Variants in UPP2 observed in about 807,000 individuals in gnomAD.
The protein encoded by UPP2 is UPase 2.
UPP2 carries 23 observed loss-of-function variants against 26.7 expected under a neutral mutation model. That is an observed-to-expected ratio of 0.86 (90% CI 0.62 to 1.22). UPP2 has a LOEUF of 1.22. Ranked by LOEUF, UPP2 falls within the 50% of genes most tolerant of loss-of-function variation. UPP2 has a pLI of 0.00. For synonymous variants in UPP2, 127 were observed against 141.3 expected (o/e 0.90, Z 0.72); for missense variants, 387 against 396.7 (o/e 0.98, Z 0.21).
intron 1 of UPP2, among the ~76,000 whole-genome samples, chr2:158,103,725 T>A (rs1489425669): frequency 6.6e-6 from 1 of 152,230 alleles, no homozygotes; most frequent in Non-Finnish European, 1.5e-5. Context: ...ACAGAGTTTG[T>A]TAAAATGCAG....
chr2:158,011,499 T>C (rs1466903020), intron 2 of UPP2, among the ~76,000 whole-genome samples: 1 of 152,066 alleles, frequency 6.6e-6, no homozygotes, highest in African/African-American at 2.4e-5. Context: ...AGGGAAGAAG[T>C]CTGATTGGCT....
At chr2:158,067,644 T>C (rs953120083) in intron 3 of UPP2, among the ~76,000 whole-genome samples, 1 of 80,514 alleles carries the variant, frequency 1.2e-5, no homozygotes, top group African/African-American at 7.9e-5. Context: ...GATTCCAAGT[T>C]TTTACCATGC....
At chr2:158,115,453 G>A (rs1574301655) in intron 3 of UPP2, among the ~76,000 whole-genome samples, 194 bp downstream of exon 3, 2 of 152,178 alleles carry the variant, frequency 1.3e-5, no homozygotes, top group East Asian at 3.9e-4. Flanking sequence ...TTGTTTATTA[G>A]TTACCACTTA....
At chr2:158,102,438 T>G (rs922759958) in intron 1 of UPP2, among the ~76,000 whole-genome samples, 1 of 152,320 alleles carries the variant, frequency 6.6e-6, no homozygotes, top group East Asian at 1.9e-4. Context: ...GGACTCACTA[T>G]AGAGTTCAGC....
intron 2 of UPP2, among the ~76,000 whole-genome samples, chr2:157,997,796 G>A (rs1204849805): frequency 6.6e-6 from 1 of 152,174 alleles, no homozygotes; most frequent in Non-Finnish European, 1.5e-5. Context: ...ATCTGGGGAA[G>A]ATGCTTTGAA....
chr2:158,019,303 G>A (rs531293955), intron 3 of UPP2, among the ~76,000 whole-genome samples: 1 of 152,246 alleles, frequency 6.6e-6, no homozygotes, highest in East Asian at 1.9e-4. Context: ...AAGTTGGTGG[G>A]ATATGAAAGG....
At chr2:158,032,430 C>T (rs576308260) in intron 3 of UPP2, among the ~76,000 whole-genome samples, 2 of 152,020 alleles carry the variant, frequency 1.3e-5, no homozygotes, top group Non-Finnish European at 2.9e-5. Context: ...CTCTGAGGGG[C>T]CTGTGGTCTT....
rs865989847 is a variant in UPP2, at chr2:158,115,144, C to A, written c.224C>A (p.Ala75Glu). The A allele has an allele frequency of 6.2e-7, 1 of 1,612,758 alleles. No individual in the cohort carries two copies. The highest frequency in any genetic ancestry group is 1.1e-5 in the South Asian group (1 of 90,946). ...GGSPNRMKAF[A>E]LFMHKELGFE... ...AGCCCCAACAGAATGAAAGCATTTG[C>A]ACTGTTTATGCACAAGGAGCTCGGG... Residue 75 changes from alanine (A) to glutamate (E), a missense_variant, in exon 3 of 7, where the codon GCA becomes GAA. Physicochemically the swap from Ala to Glu is moderately radical, Grantham distance 107. Coordinates refer to ENST00000005756, the MANE Select transcript of UPP2 (RefSeq NM_173355.4).
intron 3 of UPP2, among the ~76,000 whole-genome samples, chr2:158,062,415 C>T (rs751809900): frequency 6.6e-6 from 1 of 152,106 alleles, no homozygotes; most frequent in African/African-American, 2.4e-5. Context: ...TGGTCTTCTC[C>T]CTGGCCATTT....
chr2:158,037,337 T>G (rs1302108618), intron 3 of UPP2, among the ~76,000 whole-genome samples: 1 of 151,932 alleles, frequency 6.6e-6, no homozygotes, highest in Non-Finnish European at 1.5e-5. Context: ...ATTGTGCCAT[T>G]GCACTCCAGC....
At chr2:158,130,143 A>T (rs1053825315) in intron 6 of UPP2, among the ~76,000 whole-genome samples, 1 of 152,058 alleles carries the variant, frequency 6.6e-6, no homozygotes, top group Non-Finnish European at 1.5e-5. Context: ...TAATTTAAAC[A>T]CTTAGATTGA....
chr2:158,011,936 T>G (rs1199904471), intron 2 of UPP2, among the ~76,000 whole-genome samples: 1 of 152,214 alleles, frequency 6.6e-6, no homozygotes, highest in East Asian at 1.9e-4. Flanking sequence ...CTTCTAAAAT[T>G]CTGGGTTTTT....
chr2:158,123,767 G>C lies in UPP2; in HGVS notation c.683G>C (p.Gly228Ala). 6.2e-7 allele frequency: 1 copy of C among 1,614,010 alleles called. No homozygotes were observed. Among genetic ancestry groups the C allele is most frequent in the Non-Finnish European group, 8.5e-7 (1 of 1,179,908 alleles). ...CTTTCAGGCCAAGGCCGACTAGATG[G>C]AGCACTGTGCTCCTTTTCCAGAGAA... Reference protein sequence around the residue: ...DFYEGQGRLDGALCSFSREKK... With the variant: ...DFYEGQGRLDAALCSFSREKK... The change falls in exon 6 of 7, where the codon GGA (glycine) becomes GCA (alanine). Residue 228 changes from glycine (G) to alanine (A), a missense_variant. Transcript: ENST00000005756.
chr2:158,121,673 T>A, intron 5 of UPP2, 55 bp downstream of exon 5: 1 of 1,476,008 alleles, frequency 6.8e-7, no homozygotes, highest in South Asian at 1.2e-5. Flanking sequence ...CAACTCTTTG[T>A]TATTCAAACC....
At chr2:158,066,544 G>C (rs927215764) in intron 3 of UPP2, among the ~76,000 whole-genome samples, 1 of 151,690 alleles carries the variant, frequency 6.6e-6, no homozygotes, top group Non-Finnish European at 1.5e-5. Flanking sequence ...TGAAAGTAGG[G>C]CCTACATAGT....
chr2:158,059,475 G>A (rs560693417), intron 3 of UPP2, among the ~76,000 whole-genome samples: 1 of 152,350 alleles, frequency 6.6e-6, no homozygotes, highest in East Asian at 1.9e-4. Context: ...TCCTCTGAGT[G>A]TTGTTCCACA....
intron 3 of UPP2, among the ~76,000 whole-genome samples, chr2:158,056,696 G>A (rs184228951): frequency 1.3e-5 from 2 of 152,244 alleles, no homozygotes; most frequent in East Asian, 3.9e-4. Context: ...ATCTTCACAT[G>A]GCCGTGAGAT....
chr2:158,006,476 CAAAAAAAAAA>C (rs3038697), intron 2 of UPP2, among the ~76,000 whole-genome samples: 1 of 77,412 alleles, frequency 1.3e-5, no homozygotes, highest in South Asian at 4.9e-4. Context: ...GACTCCGTCT[CAAAAAAAAAA>C]AAAAAAAAAA....
intron 3 of UPP2, among the ~76,000 whole-genome samples, chr2:158,035,171 T>C (rs1683980978): frequency 6.6e-6 from 1 of 152,012 alleles, no homozygotes; most frequent in South Asian, 2.1e-4. Flanking sequence ...TTTTTTTTTT[T>C]TTCTGAGATG....
Sources: allele counts gnomAD v4.1 joint callset (sites outside exome capture counted in the v4.1 genomes callset), GRCh38; gene constraint gnomAD v4.1.1; transcripts MANE v1.5; gene names NCBI Gene and HGNC (gene_info 2026-07-23, HGNC 2026-07-21).